Variants in NCOA2 observed in about 807,000 individuals in gnomAD.
NCOA2 encodes the protein nuclear receptor coactivator 2, also known as class E basic helix-loop-helix protein 75.
NCOA2 carries 21 observed loss-of-function variants against 145.1 expected under a neutral mutation model. That is an observed-to-expected ratio of 0.14 (90% confidence interval 0.10 to 0.21). The LOEUF (loss-of-function observed/expected upper bound fraction) is 0.21. Among genes scored for constraint, NCOA2 ranks in the 10% least tolerant of loss-of-function variants. The pLI is 1.00. For missense variants in NCOA2, 1,472 were observed against 1,837.6 expected (o/e 0.80, Z 3.64); for synonymous variants, 619 against 637.5 (o/e 0.97, Z 0.44).
chr8:70,215,723 A>G (rs1341298466), intron 3 of NCOA2, among the ~76,000 whole-genome samples: 1 of 152,134 alleles, frequency 6.6e-6, no homozygotes, highest in East Asian at 1.9e-4. Context: ...ACATTGAAAA[A>G]GTGAAAAGTC....
At chr8:70,203,239 G>A (rs1818085581) in intron 4 of NCOA2, among the ~76,000 whole-genome samples, 2 of 117,816 alleles carry the variant, frequency 1.7e-5, no homozygotes, top group African/African-American at 3.4e-5. Flanking sequence ...CTCCAGGCTG[G>A]TGATAGAACA....
chr8:70,241,141 G>T (rs1000600389), intron 2 of NCOA2, among the ~76,000 whole-genome samples: 6 of 152,002 alleles, frequency 3.9e-5, no homozygotes, highest in Non-Finnish European at 8.8e-5. Flanking sequence ...GATTCTCTGT[G>T]GTTTTTATAC....
At chr8:70,138,541 C>T (rs979502642) in intron 14 of NCOA2, among the ~76,000 whole-genome samples, 1 of 152,116 alleles carries the variant, frequency 6.6e-6, no homozygotes, top group African/African-American at 2.4e-5. Flanking sequence ...TCTAGACAAG[C>T]AGTTCTAAAC....
At chr8:70,170,618 T>C (rs1159748225) in intron 5 of NCOA2, among the ~76,000 whole-genome samples, 2 of 152,122 alleles carry the variant, frequency 1.3e-5, no homozygotes, top group Non-Finnish European at 2.9e-5. Context: ...TGTCACAAAC[T>C]AAACGACCAA....
the NCOA2 span, among the ~76,000 whole-genome samples, chr8:70,451,464 CCTAACACTTATCTCTTCTT>C: frequency 6.6e-6 from 1 of 150,506 alleles, no homozygotes; most frequent in Non-Finnish European, 1.5e-5. Context: ...CTCTAAGTAT[CCTAACACTTATCTCTTCTT>C]CTAAGCCACC....
intron 2 of NCOA2, among the ~76,000 whole-genome samples, chr8:70,226,752 A>C (rs1820688894): frequency 6.6e-6 from 1 of 151,692 alleles, no homozygotes; most frequent in Non-Finnish European, 1.5e-5. Context: ...ACAGATACTT[A>C]GATATTTTAG....
At chr8:70,232,160 C>T (rs977311714) in intron 2 of NCOA2, among the ~76,000 whole-genome samples, 2 of 152,156 alleles carry the variant, frequency 1.3e-5, no homozygotes, top group African/African-American at 4.8e-5. Context: ...TACTGTCTTC[C>T]TCCCCAACAG....
At chr8:70,289,080 A>C (rs1049390984) in intron 2 of NCOA2, among the ~76,000 whole-genome samples, 1 of 152,238 alleles carries the variant, frequency 6.6e-6, no homozygotes, top group Non-Finnish European at 1.5e-5. Context: ...TTCAAATATA[A>C]TAGCGTAAGT....
At chr8:70,143,436 T>A (rs1029331438) in intron 13 of NCOA2, among the ~76,000 whole-genome samples, 3 of 152,158 alleles carry the variant, frequency 2.0e-5, no homozygotes, top group African/African-American at 7.2e-5. Flanking sequence ...CTTTTTCTCT[T>A]ATAGAACTTT....
intron 1 of NCOA2, among the ~76,000 whole-genome samples, chr8:70,362,667 G>A (rs533195124): frequency 1.3e-5 from 2 of 152,296 alleles, no homozygotes; most frequent in Admixed American, 1.3e-4. Context: ...GTGCTGGTGA[G>A]GTTCAGAGCA....
At chr8:70,171,890 C>T (rs2132672825) in intron 5 of NCOA2, among the ~76,000 whole-genome samples, 1 of 152,330 alleles carries the variant, frequency 6.6e-6, no homozygotes, top group South Asian at 2.1e-4. Context: ...ATGGCATGAT[C>T]ATGGCTCACT....
chr8:70,312,155 A>G (rs1002893283), intron 1 of NCOA2, among the ~76,000 whole-genome samples: 1 of 152,228 alleles, frequency 6.6e-6, no homozygotes, highest in Non-Finnish European at 1.5e-5. Flanking sequence ...GATTTCCAGA[A>G]ACAAGCCACT....
chr8:70,245,929 TAA>T (rs1822579054), intron 2 of NCOA2, among the ~76,000 whole-genome samples: 1 of 152,154 alleles, frequency 6.6e-6, no homozygotes. Context: ...CCTGTATTAG[TAA>T]AACACATGTA....
At chr8:70,139,053 A>T (rs1380914899) in intron 14 of NCOA2, among the ~76,000 whole-genome samples, 1 of 152,266 alleles carries the variant, frequency 6.6e-6, no homozygotes, top group Non-Finnish European at 1.5e-5. Context: ...ACTGTACTTC[A>T]GCTGGCTCCC....
chr8:70,389,256 T>C (rs1415537697), intron 1 of NCOA2, among the ~76,000 whole-genome samples: 1 of 152,174 alleles, frequency 6.6e-6, no homozygotes, highest in Non-Finnish European at 1.5e-5. Context: ...ACTCCAATAT[T>C]TTGGCAAACT....
intron 4 of NCOA2, among the ~76,000 whole-genome samples, chr8:70,197,851 T>A (rs1586057194): frequency 7.1e-6 from 1 of 141,168 alleles, no homozygotes; most frequent in African/African-American, 2.6e-5. Flanking sequence ...TTTTTTTTTT[T>A]AAAGACAAGG....
the NCOA2 span, among the ~76,000 whole-genome samples, chr8:70,410,668 C>G: frequency 6.6e-6 from 1 of 152,150 alleles, no homozygotes. Context: ...TTTCCATCGT[C>G]AAGTTATGTG....
chr8:70,318,609 A>G (rs1405978411), intron 1 of NCOA2, among the ~76,000 whole-genome samples: 3 of 152,212 alleles, frequency 2.0e-5, no homozygotes, highest in East Asian at 3.9e-4. Flanking sequence ...TACAACAAAT[A>G]CCAAAAAAAT....
intron 15 of NCOA2, 99 bp from the exon 16 acceptor site, chr8:70,132,101 G>T: frequency 7.9e-7 from 1 of 1,271,606 alleles, no homozygotes; most frequent in Non-Finnish European, 1.1e-6. Context: ...TGACTTCCAG[G>T]GTTGTTGCAA....
Sources: gnomAD v4.1 joint callset for allele counts (sites outside exome capture counted in the v4.1 genomes callset) on GRCh38, gnomAD v4.1.1 for gene constraint, MANE v1.5 for transcripts, NCBI Gene and HGNC (gene_info 2026-07-23, HGNC 2026-07-21) for gene names.